PROX1: variants seen among roughly 807,000 people sequenced by gnomAD.
PROX1 encodes the protein prospero homeobox 1.
A neutral mutation model predicts 58.8 loss-of-function variants in PROX1; 7 were observed. That is an observed-to-expected ratio of 0.12 (90% CI 0.07 to 0.22). The LOEUF (loss-of-function observed/expected upper bound fraction) is 0.22. Ranked by LOEUF, PROX1 falls within the 10% of genes least tolerant of loss-of-function variation. The pLI, the probability that PROX1 is intolerant of heterozygous loss-of-function variation, is 1.00. For synonymous variants in PROX1, 350 were observed against 358.3 expected (o/e 0.98, Z 0.26); for missense variants, 675 against 927.8 (o/e 0.73, Z 3.54).
upstream of PROX1, chr1:213,983,768 C>T (rs1662757976): frequency 6.6e-6 from 1 of 152,236 alleles, no homozygotes; most frequent in African/African-American, 2.4e-5. Context: ...CTACTATGGA[C>T]TGAAGAAGAC....
At chr1:213,993,220 CAAT>C (rs1197641087) in intron 1 of PROX1, among the ~76,000 whole-genome samples, 1 of 152,156 alleles carries the variant, frequency 6.6e-6, no homozygotes, top group Non-Finnish European at 1.5e-5. Flanking sequence ...TGTATCCGAT[CAAT>C]AATACATTTG....
intron 3 of PROX1, among the ~76,000 whole-genome samples, chr1:214,009,837 T>G (rs1199728805): frequency 6.6e-6 from 1 of 152,134 alleles, no homozygotes; most frequent in Admixed American, 6.6e-5. Flanking sequence ...CAATTTTCAT[T>G]CCCCAGTGCA....
At chr1:214,002,843 T>C (rs1663572663) in intron 2 of PROX1, among the ~76,000 whole-genome samples, 1 of 152,256 alleles carries the variant, frequency 6.6e-6, no homozygotes, top group African/African-American at 2.4e-5. Context: ...AAGGATTATC[T>C]AACTGTTGCC....
At chr1:214,026,363 C>T (rs1196833475) in intron 4 of PROX1, among the ~76,000 whole-genome samples, 2 of 152,198 alleles carry the variant, frequency 1.3e-5, no homozygotes, top group Non-Finnish European at 2.9e-5. Context: ...TTGACAGTCT[C>T]TCATAGACAT....
chr1:213,994,413 GAA>G (rs1055330402), intron 1 of PROX1, among the ~76,000 whole-genome samples: 9 of 151,994 alleles, frequency 5.9e-5, no homozygotes, highest in Admixed American at 3.9e-4. Flanking sequence ...TATACACACA[GAA>G]AAAAGTCTTC....
intron 4 of PROX1, among the ~76,000 whole-genome samples, chr1:214,019,839 G>A (rs750679255): frequency 1.3e-4 from 20 of 152,096 alleles, no homozygotes; most frequent in Non-Finnish European, 2.6e-4. Context: ...CCCAAATCCC[G>A]GCTTCTTTTT....
chr1:214,004,190 G>A (rs1281505996), intron 2 of PROX1, among the ~76,000 whole-genome samples: 5 of 152,198 alleles, frequency 3.3e-5, no homozygotes, highest in East Asian at 1.9e-4. Context: ...GCCAGGCTGC[G>A]GCACAGATGT....
At chr1:214,013,415 T>C (rs181771201) in intron 4 of PROX1, among the ~76,000 whole-genome samples, 1 of 152,318 alleles carries the variant, frequency 6.6e-6, no homozygotes, top group East Asian at 1.9e-4. Flanking sequence ...GACTTCTGTG[T>C]GCTAGTGAAT....
In PROX1 at chr1:214,011,728, C is replaced by A. The variant is rs1663914506; in HGVS notation, c.2028+13C>A. 1 of 1,537,568 alleles carries A rather than the reference C, an allele frequency of 6.5e-7. No homozygotes were observed. Among genetic ancestry groups the A allele is most frequent in the Admixed American group, 2.1e-5 (1 of 46,866 alleles). ...AAATGACTTTGAGGTAGGAACTAAT[C>A]TTTATTTTTTGGTCATCTCCCTTTT... On this transcript the variant is annotated intron_variant, in intron 4 of 4. Transcript: ENST00000366958.
Position 214,005,281 on chromosome 1 carries a change from T to C in PROX1, c.1833+9T>C. On this transcript the variant is annotated intron_variant, in intron 3 of 4. Transcript: ENST00000366958. ...ACTTCTCCGACGTAAAGGTAGGGAC[T>C]TTTTTTATTCTTAATTTTTTCATTT... 6.3e-7 allele frequency: 1 copy of C among 1,584,928 alleles called. No homozygotes were observed. The highest frequency in any genetic ancestry group is 8.6e-7 in the Non-Finnish European group (1 of 1,158,482).
chr1:213,993,402 T>C (rs1333314483), intron 1 of PROX1, among the ~76,000 whole-genome samples: 1 of 152,192 alleles, frequency 6.6e-6, no homozygotes, highest in Non-Finnish European at 1.5e-5. Context: ...AATACATATC[T>C]TGAGAAATAA....
chr1:213,995,831 A>G (rs1663242113), intron 1 of PROX1, among the ~76,000 whole-genome samples: 1 of 152,216 alleles, frequency 6.6e-6, no homozygotes, highest in Admixed American at 6.5e-5. Context: ...TAAAATGACT[A>G]TTGTGCATTT....
At chr1:213,989,277 T>A (rs982980482) in intron 1 of PROX1, among the ~76,000 whole-genome samples, 1 of 151,658 alleles carries the variant, frequency 6.6e-6, no homozygotes, top group African/African-American at 2.4e-5. Flanking sequence ...TCTTCCGAGC[T>A]CCTGGACCCA....
rs749142143 is a variant in PROX1, at chr1:214,040,179, G to A, written c.*4345G>A. On this transcript the variant is annotated 3_prime_UTR_variant, in exon 5 of 5. Coordinates refer to ENST00000366958, the MANE Select transcript of PROX1 (RefSeq NM_001270616.2). The stretch of plus-strand genomic sequence containing the variant: ...TGAAGGAAATGCAGTTTTGTTTTCT[G>A]TAGATCTGTTGGTTGTAAACCATCT... 3 of 152,300 alleles carry A rather than the reference G, an allele frequency of 2.0e-5. No individual in the cohort carries two copies. The highest frequency in any genetic ancestry group is 1.3e-4 in the Admixed American group (2 of 15,304). The allele number at this position is 152,300 out of a possible 1,614,324, so 9.4% of individuals were successfully genotyped here.
At position 214,039,438 on chromosome 1, in the gene PROX1, TA is replaced by T. The variant is rs1239490793; in HGVS notation, c.*3611del. On this transcript the variant is annotated 3_prime_UTR_variant, in exon 5 of 5. Transcript: ENST00000366958. The stretch of plus-strand genomic sequence containing the variant: ...ACTAGGGATGTGGGTGAATATCATT[TA>T]AAAAAATTTAAAACAACAAAAAAAA... 1 of 152,058 alleles carries T rather than the reference TA, an allele frequency of 6.6e-6. No homozygotes were observed. The highest frequency in any genetic ancestry group is 2.4e-5 in the African/African-American group (1 of 41,422). 9.4% of individuals were successfully genotyped at this position (152,058 alleles called of 1,614,324 possible). A position where few individuals can be genotyped will look rare whatever the true frequency, so the allele number is the denominator to read the frequency against.
intron 3 of PROX1, 146 bp from the exon 4 acceptor site, chr1:214,011,375 C>A (rs1571822296): frequency 1.6e-6 from 1 of 642,376 alleles, no homozygotes; most frequent in Non-Finnish European, 2.5e-6. Flanking sequence ...TTCCTCTTGC[C>A]TCTCTTGCCA....
chr1:214,014,184 C>A (rs1664014745), intron 4 of PROX1, among the ~76,000 whole-genome samples: 1 of 152,188 alleles, frequency 6.6e-6, no homozygotes, highest in African/African-American at 2.4e-5. Flanking sequence ...CTAGTGTGGG[C>A]CGTGGCTGAG....
At chr1:214,001,608 A>T (rs1374141833) in intron 2 of PROX1, among the ~76,000 whole-genome samples, 1 of 152,204 alleles carries the variant, frequency 6.6e-6, no homozygotes, top group African/African-American at 2.4e-5. Context: ...TTTAGGGAGA[A>T]TGTTAGAAAG....
intron 2 of PROX1, among the ~76,000 whole-genome samples, chr1:214,001,104 A>G (rs2102705805): frequency 6.6e-6 from 1 of 152,304 alleles, no homozygotes; most frequent in Non-Finnish European, 1.5e-5. Flanking sequence ...CCACTCCAAA[A>G]GGTACCATCT....
Sources: gnomAD v4.1 joint callset for allele counts (sites outside exome capture counted in the v4.1 genomes callset) on GRCh38, gnomAD v4.1.1 for gene constraint, MANE v1.5 for transcripts, NCBI Gene and HGNC (gene_info 2026-07-23, HGNC 2026-07-21) for gene names.